RYR2: variants seen among roughly 807,000 people sequenced by gnomAD.
The protein encoded by RYR2 is cardiac muscle ryanodine receptor-calcium release channel.
In RYR2, 227 loss-of-function variants were observed where a neutral mutation model predicts 601.1. That is an observed-to-expected ratio of 0.38 (90% CI 0.34 to 0.42). RYR2 has a LOEUF of 0.42. RYR2 is among the 10% of genes least tolerant of loss of function. The pLI is 1.00. For missense variants in RYR2, 4,646 were observed against 6,156.5 expected (o/e 0.75, Z 8.21); for synonymous variants, 2,223 against 2,175.1 (o/e 1.02, Z -0.61).
At chr1:237,495,573 C>T (rs1430132844) in intron 19 of RYR2, among the ~76,000 whole-genome samples, 1 of 152,092 alleles carries the variant, frequency 6.6e-6, no homozygotes, top group East Asian at 1.9e-4. Context: ...TATAACAGAC[C>T]TGCCGTTTAT....
chr1:237,831,405 C>T (rs1415164912), intron 103 of RYR2, 109 bp from the exon 104 acceptor site: 3 of 637,860 alleles, frequency 4.7e-6, no homozygotes, highest in African/African-American at 1.9e-5. Context: ...GTGGCGTTTT[C>T]TCTGTGCTGG....
At chr1:237,446,946 C>T (rs1258327793) in intron 14 of RYR2, among the ~76,000 whole-genome samples, 1 of 152,094 alleles carries the variant, frequency 6.6e-6, no homozygotes. Flanking sequence ...GAAATTATAA[C>T]TTATTTTGGA....
At chr1:237,099,894 G>A (rs372850292) in intron 1 of RYR2, among the ~76,000 whole-genome samples, 11 of 152,080 alleles carry the variant, frequency 7.2e-5, no homozygotes, top group African/African-American at 2.7e-4. Flanking sequence ...GAGGAGTTTT[G>A]TAAATTTCCC....
At chr1:237,796,696 T>C (rs1490584981) in intron 96 of RYR2, among the ~76,000 whole-genome samples, 1 of 152,118 alleles carries the variant, frequency 6.6e-6, no homozygotes, top group Non-Finnish European at 1.5e-5. Flanking sequence ...TCTCCTTTTC[T>C]AATCTTTTCT....
rs751869107 is a variant in RYR2 at position 237,506,739 on chromosome 1, A to C, written c.2643A>C (p.Ile881=). The C allele has an allele frequency of 1.0e-4, 164 of 1,613,496 alleles. 1 individual carries two copies. In the Admixed American group the frequency reaches 2.7e-3, roughly 27 times the overall value. Residue 881 remains isoleucine, a synonymous_variant, in exon 23 of 105, where the codon ATA becomes ATC. Transcript: ENST00000366574. Reference sequence around the variant, plus strand: ...TGTTGCCTCCTCATCTAGAAAGAATAAGAGAAAAACTGGCAGAGAATATCC... The same window carrying C: ...TGTTGCCTCCTCATCTAGAAAGAATCAGAGAAAAACTGGCAGAGAATATCC... ...QIVLPPHLER[I]REKLAENIHE...
chr1:237,329,692 C>T (rs929256598), intron 2 of RYR2, among the ~76,000 whole-genome samples: 2 of 151,578 alleles, frequency 1.3e-5, no homozygotes, highest in Non-Finnish European at 2.9e-5. Context: ...ATGGGAAGGA[C>T]AAGTACTGCT....
chr1:237,389,704 G>A (rs1702225164), intron 10 of RYR2, among the ~76,000 whole-genome samples: 1 of 152,144 alleles, frequency 6.6e-6, no homozygotes, highest in Non-Finnish European at 1.5e-5. Context: ...TGGAGCTAAG[G>A]ATTGCAGGAG....
chr1:237,308,749 G>A (rs897940884), intron 2 of RYR2, among the ~76,000 whole-genome samples: 7 of 152,208 alleles, frequency 4.6e-5, no homozygotes, highest in East Asian at 1.9e-4. Context: ...ACTGCAAGGC[G>A]TGAAAGAACA....
intron 1 of RYR2, among the ~76,000 whole-genome samples, chr1:237,140,861 C>T (rs1051902598): frequency 3.9e-5 from 6 of 152,174 alleles, no homozygotes; most frequent in Admixed American, 2.0e-4. Flanking sequence ...TCTTAGTATC[C>T]TTCAGATATG....
chr1:237,129,854 C>G (rs989237431), intron 1 of RYR2, among the ~76,000 whole-genome samples: 1 of 152,116 alleles, frequency 6.6e-6, no homozygotes, highest in South Asian at 2.1e-4. Flanking sequence ...AAGTGCCACA[C>G]ATCATCTCAC....
intron 1 of RYR2, among the ~76,000 whole-genome samples, chr1:237,169,363 A>G (rs1047032121): frequency 6.6e-6 from 1 of 151,474 alleles, no homozygotes; most frequent in Non-Finnish European, 1.5e-5. Context: ...CAGTGGCACA[A>G]TCTCGGCTCA....
intron 1 of RYR2, among the ~76,000 whole-genome samples, chr1:237,127,584 C>T (rs1448936060): frequency 4.6e-5 from 7 of 151,064 alleles, no homozygotes; most frequent in South Asian, 2.1e-4. Context: ...ACCTCCCTCC[C>T]GGACGGGGTG....
chr1:237,064,813 A>G (rs1160298396), intron 1 of RYR2, among the ~76,000 whole-genome samples: 1 of 128,034 alleles, frequency 7.8e-6, no homozygotes, highest in African/African-American at 3.1e-5. Flanking sequence ...TGAAATCTCA[A>G]TTCAGTATAT....
At chr1:237,806,371 A>C in intron 99 of RYR2, 88 bp downstream of exon 99, 2 of 1,306,508 alleles carry the variant, frequency 1.5e-6, no homozygotes, top group Non-Finnish European at 2.1e-6. Flanking sequence ...TCAAATGACA[A>C]TGTACAGTTT....
chr1:237,549,538 C>A (rs966180284), intron 26 of RYR2, among the ~76,000 whole-genome samples: 1 of 148,874 alleles, frequency 6.7e-6, no homozygotes, highest in African/African-American at 2.5e-5. Flanking sequence ...TTCAAAACAA[C>A]AACAAAAACA....
chr1:237,389,151 G>A (rs962985633), intron 10 of RYR2, among the ~76,000 whole-genome samples: 3 of 152,164 alleles, frequency 2.0e-5, no homozygotes, highest in African/African-American at 7.2e-5. Context: ...AGTAGGTTTA[G>A]GAAGAAGATG....
chr1:237,461,790 A>T (rs765996520), intron 16 of RYR2, among the ~76,000 whole-genome samples: 6 of 150,968 alleles, frequency 4.0e-5, no homozygotes, highest in Non-Finnish European at 7.4e-5. Context: ...CATAATCTAC[A>T]AGGTAATTTT....
At chr1:237,801,476 A>G (rs892938827) in intron 97 of RYR2, among the ~76,000 whole-genome samples, 1 of 148,252 alleles carries the variant, frequency 6.7e-6, no homozygotes, top group Non-Finnish European at 1.5e-5. Context: ...GGGGAGGCAG[A>G]GATTGCAGTG....
intron 2 of RYR2, among the ~76,000 whole-genome samples, chr1:237,284,548 G>A (rs1414785698): frequency 5.7e-5 from 8 of 140,740 alleles, no homozygotes; most frequent in South Asian, 2.2e-4. Flanking sequence ...TATAGTGTGT[G>A]TATATATATA....
Sources: gnomAD v4.1 joint callset for allele counts (sites outside exome capture counted in the v4.1 genomes callset) on GRCh38, gnomAD v4.1.1 for gene constraint, MANE v1.5 for transcripts, NCBI Gene and HGNC (gene_info 2026-07-23, HGNC 2026-07-21) for gene names.